The following GRK5 variants were observed in gnomAD, a reference collection of about 807,000 sequenced individuals.
The protein encoded by GRK5 is G protein-coupled receptor kinase 5.
GRK5 carries 40 observed loss-of-function variants against 78.4 expected under a neutral mutation model. The observed-to-expected ratio is 0.51, with a 90% confidence interval of 0.40 to 0.66. GRK5 has a LOEUF of 0.66. Ranked by LOEUF, GRK5 falls within the 30% of genes least tolerant of loss-of-function variation. GRK5 has a pLI of 0.00. For missense variants in GRK5, 598 were observed against 759.9 expected (o/e 0.79, Z 2.50); for synonymous variants, 289 against 296.8 (o/e 0.97, Z 0.27).
intron 1 of GRK5, among the ~76,000 whole-genome samples, chr10:119,285,708 G>C (rs1013121902): frequency 6.6e-6 from 1 of 152,078 alleles, no homozygotes; most frequent in African/African-American, 2.4e-5. Context: ...TAAAAGGAGC[G>C]GTGGCAGGCA....
chr10:119,459,138 G>A lies in GRK5; in HGVS notation c.*4071G>A, dbSNP rs552157016. 1 of 152,216 alleles carries A rather than the reference G, an allele frequency of 6.6e-6. No homozygotes were observed. Among genetic ancestry groups the A allele is most frequent in the African/African-American group, 2.4e-5 (1 of 41,450 alleles). The allele number at this position is 152,216 out of a possible 1,614,324, so 9.4% of individuals were successfully genotyped here. ...GTATGAAGTCTTTGTGCATTTGGAA[G>A]TGACATCGCTGTGTGGATTATGAAT... On this transcript the variant is annotated 3_prime_UTR_variant, in exon 16 of 16. Transcript: ENST00000392870.
Position 119,378,305 on chromosome 10 carries a change from C to T in GRK5, c.149-2510C>T, listed in dbSNP as rs887590112. 6.6e-6 allele frequency among the ~76,000 whole-genome samples: 1 copy of T among 152,178 alleles called. No individual in the cohort carries two copies. The highest frequency in any genetic ancestry group is 2.4e-5 in the African/African-American group (1 of 41,430). ...GGAGCGGTGGAGACTGCGCCCACGGCTGAAGGGCAGAGTTTAGGCTGCAGT... is the reference window on the plus strand; with the variant it reads ...GGAGCGGTGGAGACTGCGCCCACGGTTGAAGGGCAGAGTTTAGGCTGCAGT... On this transcript the variant is annotated intron_variant, in intron 2 of 15. Transcript: ENST00000392870. This position sits in a 1 kb window ranked among gnomAD's most constrained non-coding sequence, Gnocchi z 4.5.
At chr10:119,382,603 T>C (rs1424949937) in intron 3 of GRK5, among the ~76,000 whole-genome samples, 2 of 152,238 alleles carry the variant, frequency 1.3e-5, no homozygotes, top group Admixed American at 1.3e-4. Context: ...TTATCTCATC[T>C]GTGAACTTTT....
At chr10:119,405,534 C>G (rs759108940) in intron 4 of GRK5, among the ~76,000 whole-genome samples, 2 of 152,098 alleles carry the variant, frequency 1.3e-5, no homozygotes, top group African/African-American at 4.8e-5. Flanking sequence ...GAAATAATAA[C>G]GACTCCAAAT....
intron 2 of GRK5, among the ~76,000 whole-genome samples, chr10:119,364,471 A>C (rs1054401200): frequency 6.6e-6 from 1 of 152,168 alleles, no homozygotes. Context: ...TGCTTGGGCC[A>C]TGCCATATAC....
chr10:119,273,715 T>A (rs1474007367), intron 1 of GRK5, among the ~76,000 whole-genome samples: 1 of 152,158 alleles, frequency 6.6e-6, no homozygotes, highest in African/African-American at 2.4e-5. Context: ...TATCTGGGGT[T>A]TTTCAGTGCC....
chr10:119,275,199 G>A (rs1564872920), intron 1 of GRK5, among the ~76,000 whole-genome samples: 1 of 152,166 alleles, frequency 6.6e-6, no homozygotes, highest in Non-Finnish European at 1.5e-5. Context: ...GTTCCTGACT[G>A]TGAGGTTTCA....
intron 2 of GRK5, 114 bp from the exon 3 acceptor site, chr10:119,380,701 G>A (rs1851696438): frequency 3.1e-6 from 2 of 638,422 alleles, no homozygotes; most frequent in African/African-American, 3.6e-5. Flanking sequence ...CTGAGAGTTT[G>A]CCAGTCACCT....
In GRK5 at chr10:119,424,943, T is replaced by G. The variant is rs762982056; in HGVS notation, c.441-50T>G. 5 of 1,330,036 alleles carry G rather than the reference T, an allele frequency of 3.8e-6. No homozygotes were observed. The South Asian group carries it at 5.8e-5, about 16-fold the overall frequency. 82.4% of individuals were successfully genotyped at this position (1,330,036 alleles called of 1,614,324 possible). Reference sequence around the variant, plus strand: ...GCTGGACACAGCTTTGCCCCCCTGCTTGAAGATCGGGATTATAAAATGTTC... The same window carrying G: ...GCTGGACACAGCTTTGCCCCCCTGCGTGAAGATCGGGATTATAAAATGTTC... On this transcript the variant is annotated intron_variant, in intron 5 of 15. Coordinates refer to ENST00000392870, the MANE Select transcript of GRK5 (RefSeq NM_005308.3).
At chr10:119,443,410 C>T (rs1273585031) in intron 11 of GRK5, 134 bp from the exon 12 acceptor site, 3 of 741,096 alleles carry the variant, frequency 4.0e-6, no homozygotes, top group African/African-American at 1.8e-5. Context: ...GGGCAAGCTC[C>T]CTGGAGGGGG....
intron 3 of GRK5, among the ~76,000 whole-genome samples, chr10:119,381,905 G>A (rs1173584871): frequency 6.6e-6 from 1 of 152,164 alleles, no homozygotes; most frequent in Non-Finnish European, 1.5e-5. Context: ...ATCTCGATGT[G>A]CATCTCTAGA....
At chr10:119,313,224 G>A (rs1446434021) in intron 1 of GRK5, among the ~76,000 whole-genome samples, 1 of 147,922 alleles carries the variant, frequency 6.8e-6, no homozygotes, top group African/African-American at 2.5e-5. Context: ...GGTGGTGACG[G>A]TAGTGATGAT....
rs1848588540 is a variant in GRK5, at chr10:119,217,182, G to A, written c.52+9213G>A. Among the ~76,000 whole-genome samples, 1 of 152,214 alleles carries A rather than the reference G, an allele frequency of 6.6e-6. No homozygotes were observed. The highest frequency in any genetic ancestry group is 2.4e-5 in the African/African-American group (1 of 41,456). On this transcript the variant is annotated intron_variant, in intron 1 of 15. Transcript: ENST00000392870. The surrounding 1 kb of genome is among the most constrained non-coding windows in gnomAD (Gnocchi z 4.1). ...GTTGTAATTGTGGAAGAGAAAGAGT[G>A]TCTTTGTCAGATTCCCTGGGAAAAG...
Position 119,217,718 on chromosome 10 carries a change from G to A in GRK5, c.52+9749G>A, listed in dbSNP as rs767242712. 1.3e-5 allele frequency among the ~76,000 whole-genome samples: 2 copies of A among 152,126 alleles called. No homozygotes were observed. Among genetic ancestry groups the A allele is most frequent in the Admixed American group, 6.5e-5 (1 of 15,284 alleles). On this transcript the variant is annotated intron_variant, in intron 1 of 15. Transcript: ENST00000392870. The surrounding 1 kb of genome is among the most constrained non-coding windows in gnomAD (Gnocchi z 4.1). ...TTGGCAGAGGCAAGAGGTGGGCAGC[G>A]GGCATGCCAGTTCCTGCTGGCTCAC...
chr10:119,324,637 G>GA (rs796578536), intron 1 of GRK5, among the ~76,000 whole-genome samples: 3 of 150,080 alleles, frequency 2.0e-5, no homozygotes, highest in Non-Finnish European at 3.0e-5. Flanking sequence ...CTCAAAAAAA[G>GA]AAAAAAAAAA....
chr10:119,394,187 T>G (rs1348343318), intron 3 of GRK5, among the ~76,000 whole-genome samples: 15 of 63,666 alleles, frequency 2.4e-4, no homozygotes, highest in African/African-American at 3.3e-4. Context: ...TGTGGGTGTC[T>G]GTGTATGGGG....
At chr10:119,439,641 C>A in intron 9 of GRK5, 90 bp from the exon 10 acceptor site, 1 of 1,252,858 alleles carries the variant, frequency 8.0e-7, no homozygotes, top group Non-Finnish European at 1.2e-6. Flanking sequence ...GCCACTCAGG[C>A]CTGATTAGCC....
Position 119,436,749 on chromosome 10 carries a change from C to G in GRK5, c.837C>G (p.Gly279=), listed in dbSNP as rs754843356. The G allele has an allele frequency of 1.2e-6, 2 of 1,614,216 alleles. No homozygotes were observed. Among genetic ancestry groups the G allele is most frequent in the Non-Finnish European group, 1.7e-6 (2 of 1,180,022 alleles). Residue 279 remains glycine, a synonymous_variant, in exon 9 of 16, where the codon GGC becomes GGG. Transcript: ENST00000392870. ...GDLKFHIYNM[G]NPGFEEERAL... is the part of the protein sequence containing the mutation. ...TGAAGTTCCACATCTACAACATGGG[C>G]AACCCTGGCTTCGAGGAGGAGCGGG...
At position 119,430,535 on chromosome 10, in the gene GRK5, C is replaced by T; in HGVS notation, c.597+97C>T. 9.2e-7 allele frequency: 1 copy of T among 1,082,496 alleles called. No homozygotes were observed. Among genetic ancestry groups the T allele is most frequent in the South Asian group, 1.4e-5 (1 of 69,902 alleles). 67.1% of individuals were successfully genotyped at this position (1,082,496 alleles called of 1,614,324 possible). A position where few individuals can be genotyped will look rare whatever the true frequency, so the allele number is the denominator to read the frequency against. On this transcript the variant is annotated intron_variant, in intron 7 of 15. Transcript: ENST00000392870. The surrounding 1 kb of genome is among the most constrained non-coding windows in gnomAD (Gnocchi z 4.5). ...ACCTAAAGGGTTGGCCCACGGGTCCCCCGGGGGCACCAGTGGCTCAATGTG... is the reference window on the plus strand; with the variant it reads ...ACCTAAAGGGTTGGCCCACGGGTCCTCCGGGGGCACCAGTGGCTCAATGTG...
Sources: gnomAD v4.1 joint callset for allele counts (sites outside exome capture counted in the v4.1 genomes callset) on GRCh38, gnomAD v4.1.1 for gene constraint, Gnocchi (gnomAD v3.1) non-coding constraint, MANE v1.5 for transcripts, NCBI Gene and HGNC (gene_info 2026-07-23, HGNC 2026-07-21) for gene names.